DYM: variants seen among roughly 807,000 people sequenced by gnomAD.
DYM encodes dymeclin.
DYM carries 78 observed loss-of-function variants against 93.1 expected under a neutral mutation model. The ratio of observed to expected loss-of-function variants is 0.84; its 90% CI spans 0.70 to 1.01. DYM has a LOEUF of 1.01. Ranked by LOEUF, DYM falls within the 50% of genes least tolerant of loss-of-function variation. The pLI is 0.00. For synonymous variants in DYM, 321 were observed against 319.7 expected, an observed-to-expected ratio of 1.00 and a Z score of -0.04; for missense variants, 789 against 845.0, an observed-to-expected ratio of 0.93 and a Z score of 0.82.
At chr18:49,410,124 GT>G (rs1176866968) in intron 2 of DYM, among the ~76,000 whole-genome samples, 1 of 152,124 alleles carries the variant, frequency 6.6e-6, no homozygotes, top group Admixed American at 6.6e-5. Context: ...GGATTACAGT[GT>G]CATGATCCCA....
At chr18:49,443,815 G>A (rs1016233158) in intron 1 of DYM, among the ~76,000 whole-genome samples, 1 of 152,218 alleles carries the variant, frequency 6.6e-6, no homozygotes, top group Non-Finnish European at 1.5e-5. Context: ...AGCAAGGAAA[G>A]TATTTGCCAA....
At chr18:49,070,507 C>T (rs1391475431) in intron 17 of DYM, among the ~76,000 whole-genome samples, 5 of 152,210 alleles carry the variant, frequency 3.3e-5, no homozygotes, top group African/African-American at 1.2e-4. Flanking sequence ...TCAAGGAAAC[C>T]ACTGCAGCTC....
intron 17 of DYM, among the ~76,000 whole-genome samples, chr18:49,096,680 G>A (rs1342389294): frequency 6.6e-6 from 1 of 152,184 alleles, no homozygotes; most frequent in Non-Finnish European, 1.5e-5. Flanking sequence ...TAGTCTTGAA[G>A]TATGAGTTTT....
chr18:49,323,079 G>A (rs1346679181), intron 8 of DYM, among the ~76,000 whole-genome samples: 1 of 152,132 alleles, frequency 6.6e-6, no homozygotes, highest in Non-Finnish European at 1.5e-5. Context: ...AATGTAAGTG[G>A]TGGCCCTCAA....
At chr18:49,335,807 T>A (rs2063615261) in intron 6 of DYM, among the ~76,000 whole-genome samples, 1 of 144,806 alleles carries the variant, frequency 6.9e-6, no homozygotes, top group South Asian at 2.2e-4. Context: ...GCAAACGTTT[T>A]CTGTCTTTTT....
intron 2 of DYM, among the ~76,000 whole-genome samples, chr18:49,424,496 A>T (rs2074061465): frequency 6.6e-6 from 1 of 152,050 alleles, no homozygotes; most frequent in Admixed American, 6.6e-5. Context: ...CAGGACAGGG[A>T]TGCCTTCTCT....
intron 17 of DYM, among the ~76,000 whole-genome samples, chr18:49,092,523 G>A (rs2079138122): frequency 6.6e-6 from 1 of 152,200 alleles, no homozygotes; most frequent in African/African-American, 2.4e-5. Flanking sequence ...TTTCTCTCCT[G>A]AAAGATGATA....
chr18:49,254,325 T>TATATATATATATACAC (rs1279388698), intron 13 of DYM, among the ~76,000 whole-genome samples: 11 of 138,658 alleles, frequency 7.9e-5, no homozygotes, highest in African/African-American at 2.5e-4. Context: ...TATATATATA[T>TATATATATATATACAC]ACACACATAG....
At chr18:49,142,317 A>AAGG (rs941902504) in intron 15 of DYM, among the ~76,000 whole-genome samples, 1 of 152,178 alleles carries the variant, frequency 6.6e-6, no homozygotes, top group African/African-American at 2.4e-5. Context: ...TGAAACTCAA[A>AAGG]AGGATTAAGT....
chr18:49,074,160 G>A (rs903829685), intron 17 of DYM, among the ~76,000 whole-genome samples: 6 of 152,160 alleles, frequency 3.9e-5, no homozygotes, highest in African/African-American at 1.4e-4. Flanking sequence ...CATAGGTTTC[G>A]CATCCCTGGA....
At chr18:49,092,007 A>G (rs770152392) in intron 17 of DYM, among the ~76,000 whole-genome samples, 3 of 152,178 alleles carry the variant, frequency 2.0e-5, no homozygotes, top group Non-Finnish European at 4.4e-5. Context: ...AAAAAAAGAA[A>G]ACAGAATAGG....
At chr18:49,443,928 C>T (rs934317302) in intron 1 of DYM, among the ~76,000 whole-genome samples, 2 of 151,910 alleles carry the variant, frequency 1.3e-5, no homozygotes, top group African/African-American at 2.4e-5. Context: ...AACAGTGGCT[C>T]GAAGTACAGT....
chr18:49,191,585 G>T (rs1324102768), intron 14 of DYM, among the ~76,000 whole-genome samples: 5 of 152,062 alleles, frequency 3.3e-5, no homozygotes, highest in Non-Finnish European at 7.4e-5. Flanking sequence ...GGAAAATAAA[G>T]AATTTAAATG....
At chr18:49,140,732 A>G (rs1568483383) in intron 15 of DYM, among the ~76,000 whole-genome samples, 1 of 152,232 alleles carries the variant, frequency 6.6e-6, no homozygotes, top group Non-Finnish European at 1.5e-5. Flanking sequence ...GTATGGACAT[A>G]TCCTAAGATG....
chr18:49,316,844 T>C (rs181827381), intron 8 of DYM, among the ~76,000 whole-genome samples: 1 of 152,336 alleles, frequency 6.6e-6, no homozygotes, highest in African/African-American at 2.4e-5. Context: ...GCTTCCTTCC[T>C]TTAGCTATAG....
At chr18:49,058,378 G>T (rs1327619917) in intron 17 of DYM, among the ~76,000 whole-genome samples, 1 of 149,478 alleles carries the variant, frequency 6.7e-6, no homozygotes, top group Non-Finnish European at 1.5e-5. Context: ...AGAGTGTAGT[G>T]ATATGATCAT....
intron 6 of DYM, among the ~76,000 whole-genome samples, chr18:49,352,254 T>C (rs1455120106): frequency 4.6e-5 from 7 of 152,194 alleles, no homozygotes; most frequent in African/African-American, 1.7e-4. Context: ...GGCTTCTGCC[T>C]GGGGTGCTGA....
At chr18:49,244,174 G>C (rs2094109499) in intron 13 of DYM, among the ~76,000 whole-genome samples, 1 of 152,120 alleles carries the variant, frequency 6.6e-6, no homozygotes, top group South Asian at 2.1e-4. Flanking sequence ...CTCATTTAGA[G>C]GGTATTTGCT....
intron 15 of DYM, among the ~76,000 whole-genome samples, chr18:49,130,184 A>G (rs2083253070): frequency 6.6e-6 from 1 of 152,150 alleles, no homozygotes; most frequent in Non-Finnish European, 1.5e-5. Flanking sequence ...CTCCAGCCCT[A>G]CTGCTGGGAC....
Sources: allele counts gnomAD v4.1 joint callset (sites outside exome capture counted in the v4.1 genomes callset), GRCh38; gene constraint gnomAD v4.1.1; transcripts MANE v1.5; gene names NCBI Gene and HGNC (gene_info 2026-07-23, HGNC 2026-07-21).